Variants in AKAP11 observed in about 807,000 individuals in gnomAD.
The protein encoded by AKAP11 is A-kinase anchor protein 11.
Under a neutral mutation model 146.1 loss-of-function variants are expected in AKAP11, and 36 were observed. The ratio of observed to expected loss-of-function variants is 0.25; its 90% CI spans 0.19 to 0.33. AKAP11 has a LOEUF of 0.33. Ranked by LOEUF, AKAP11 falls within the 10% of genes least tolerant of loss-of-function variation. The pLI is 1.00. For missense variants in AKAP11, 2,201 were observed against 2,197.0 expected (o/e 1.00, Z -0.04); for synonymous variants, 780 against 786.5 (o/e 0.99, Z 0.14).
At chr13:42,288,340 A>C (rs1959181615) in intron 3 of AKAP11, among the ~76,000 whole-genome samples, 1 of 152,196 alleles carries the variant, frequency 6.6e-6, no homozygotes, top group Admixed American at 6.5e-5. Flanking sequence ...CATAATACAC[A>C]CACAAACCCA....
intron 12 of AKAP11, among the ~76,000 whole-genome samples, 193 bp from the exon 13 acceptor site, chr13:42,318,895 A>G (rs1352789675): frequency 6.6e-6 from 1 of 152,190 alleles, no homozygotes; most frequent in African/African-American, 2.4e-5. Context: ...GTGTTTATAA[A>G]GGGGAAGAAG....
At chr13:42,317,852 C>A (rs895733549) in intron 12 of AKAP11, among the ~76,000 whole-genome samples, 164 bp downstream of exon 12, 2 of 152,146 alleles carry the variant, frequency 1.3e-5, no homozygotes, top group Non-Finnish European at 2.9e-5. Context: ...GCAGTATAAC[C>A]AGAGGCAGGT....
rs770998707 is a variant in AKAP11, at chr13:42,303,116, T to C, written c.4370T>C (p.Phe1457Ser). The change falls in exon 8 of 13, where the codon TTT becomes TCT. Residue 1457 changes from phenylalanine to serine, a missense_variant. By Grantham distance (155) the Phe-to-Ser change is radical (BLOSUM62 -2). Coordinates refer to ENST00000025301, the MANE Select transcript of AKAP11 (RefSeq NM_016248.4). ...YRNEVSQLYSFSTSLVHSITK... is the reference protein window; with the variant it reads ...YRNEVSQLYSSSTSLVHSITK... ...AATGAGGTCTCCCAACTGTATAGTT[T>C]TTCAACCTCTCTGGTTCACAGCATA... 2.5e-6 allele frequency: 4 copies of C among 1,614,126 alleles called. No homozygotes were observed. The South Asian group carries it at 4.4e-5, about 18-fold the overall frequency.
At chr13:42,280,429 T>G (rs1401920211) in intron 1 of AKAP11, among the ~76,000 whole-genome samples, 1 of 152,234 alleles carries the variant, frequency 6.6e-6, no homozygotes, top group Non-Finnish European at 1.5e-5. Flanking sequence ...CAAATGTATT[T>G]TCACAAACTC....
intron 1 of AKAP11, among the ~76,000 whole-genome samples, chr13:42,279,927 T>C (rs1322336637): frequency 6.6e-5 from 10 of 152,244 alleles, no homozygotes; most frequent in African/African-American, 2.2e-4. Context: ...GCTGAATTAT[T>C]GTCTCTACTA....
rs114231491 is a variant in AKAP11 at position 42,293,842 on chromosome 13, G to A, written c.168+1341G>A. 9.1e-3 allele frequency among the ~76,000 whole-genome samples: 1,390 copies of A among 152,266 alleles called. 21 individuals are homozygous for A. The highest frequency in any genetic ancestry group is 0.031 in the African/African-American group (1,295 of 41,550). On this transcript the variant is annotated intron_variant, in intron 4 of 12. Transcript: ENST00000025301. ...TAGATGGAATTTCTATTCCATTTTA[G>A]GGTGTGCAAATCTCTGAGTATCTTT...
At chr13:42,273,329 G>A (rs1051441050) in intron 1 of AKAP11, among the ~76,000 whole-genome samples, 2 of 151,610 alleles carry the variant, frequency 1.3e-5, no homozygotes, top group Non-Finnish European at 2.9e-5. Flanking sequence ...GGCATGATTG[G>A]TGTCAGTTAA....
chr13:42,273,711 C>G (rs1478529373), intron 1 of AKAP11, among the ~76,000 whole-genome samples: 2 of 152,150 alleles, frequency 1.3e-5, no homozygotes, highest in East Asian at 3.8e-4. Flanking sequence ...CCTTCTCTAG[C>G]CCCCTGAACT....
rs140822265 is a variant in AKAP11, at chr13:42,322,402, A to G, written c.*3174A>G. On this transcript the variant is annotated 3_prime_UTR_variant, in exon 13 of 13. Coordinates refer to ENST00000025301, the MANE Select transcript of AKAP11 (RefSeq NM_016248.4). ...CAGAGTTTAACCTTGATTCTTCAAC[A>G]GAGTCCAGATTTAAATGTCTACTTA... 2.1e-4 allele frequency: 32 copies of G among 152,418 alleles called. No homozygotes were observed. The East Asian group carries it at 5.6e-3, about 27-fold the overall frequency. The allele number at this position is 152,418 out of a possible 1,614,324, so 9.4% of individuals were successfully genotyped here.
At position 42,302,988 on chromosome 13, in the gene AKAP11, CAAAG is replaced by C; in HGVS notation, c.4244_4247del (p.Lys1415SerfsTer50). 1 of 1,613,562 alleles carries C rather than the reference CAAAG, an allele frequency of 6.2e-7. No individual in the cohort carries two copies. Among genetic ancestry groups the C allele is most frequent in the Non-Finnish European group, 8.5e-7 (1 of 1,179,952 alleles). On this transcript the variant is annotated frameshift_variant, in exon 8 of 13. Transcript: ENST00000025301. LOFTEE classifies it high-confidence loss of function. Reference sequence around the variant, plus strand: ...ACAAGGAACTGTTAATGTTTTCAAACAAAGAGCACCACCAAGAAGCAGACAAAAA... The same window carrying C: ...ACAAGGAACTGTTAATGTTTTCAAACAGCACCACCAAGAAGCAGACAAAAA...
chr13:42,276,764 A>G (rs1262402250), intron 1 of AKAP11, among the ~76,000 whole-genome samples: 1 of 152,134 alleles, frequency 6.6e-6, no homozygotes, highest in Non-Finnish European at 1.5e-5. Flanking sequence ...GCTTCCTATG[A>G]CTGGCCCATC....
At chr13:42,293,248 A>G (rs1316050484) in intron 4 of AKAP11, among the ~76,000 whole-genome samples, 1 of 152,192 alleles carries the variant, frequency 6.6e-6, no homozygotes, top group Non-Finnish European at 1.5e-5. Flanking sequence ...ACATCCTGAT[A>G]GATCCATTTT....
chr13:42,295,778 T>A (rs1472576151), intron 5 of AKAP11, 36 bp downstream of exon 5: 1 of 1,591,628 alleles, frequency 6.3e-7, no homozygotes, highest in Non-Finnish European at 8.6e-7. Context: ...TGAGTATTCT[T>A]GTCATGGAAA....
intron 4 of AKAP11, among the ~76,000 whole-genome samples, chr13:42,293,417 C>T (rs186125754): frequency 1.4e-4 from 21 of 152,226 alleles, no homozygotes; most frequent in African/African-American, 3.9e-4. Flanking sequence ...CTCTATTTGA[C>T]GTCATTTCAT....
intron 11 of AKAP11, among the ~76,000 whole-genome samples, chr13:42,316,925 C>T (rs7319975): frequency 4.5e-4 from 69 of 152,118 alleles, no homozygotes; most frequent in African/African-American, 1.5e-3. Flanking sequence ...GCTCTGTTGC[C>T]CAGGCTGGGT....
rs1284912957 is a variant in AKAP11, at chr13:42,301,737, C to T, written c.2991C>T (p.His997=). 3.1e-6 allele frequency: 5 copies of T among 1,614,168 alleles called. No homozygotes were observed. Among genetic ancestry groups the T allele is most frequent in the South Asian group, 1.1e-5 (1 of 91,082 alleles). The change falls in exon 8 of 13, where the codon CAC becomes CAT. Residue 997 remains histidine, a synonymous_variant. Coordinates refer to ENST00000025301, the MANE Select transcript of AKAP11 (RefSeq NM_016248.4). ...KFPDSQNQLT[H]CSLSAAKDCV... ...CTGACTCTCAGAATCAGTTAACTCA[C>T]TGCTCACTTTCAGCTGCAAAGGATT... is the stretch of plus-strand genomic sequence containing the variant.
chr13:42,319,026 A>G, intron 12 of AKAP11, 62 bp from the exon 13 acceptor site: 1 of 1,519,048 alleles, frequency 6.6e-7, no homozygotes, highest in Non-Finnish European at 8.9e-7. Context: ...ATTGAAAATA[A>G]AAATAAAAGC....
At chr13:42,274,206 G>C (rs1426183910) in intron 1 of AKAP11, among the ~76,000 whole-genome samples, 2 of 152,084 alleles carry the variant, frequency 1.3e-5, no homozygotes, top group Admixed American at 6.5e-5. Flanking sequence ...CAACTACCTG[G>C]AAGGATTGAA....
Position 42,301,237 on chromosome 13 carries a change from G to C in AKAP11, c.2491G>C (p.Ala831Pro), listed in dbSNP as rs1959880808. The C allele has an allele frequency of 6.2e-7, 1 of 1,613,766 alleles. No individual in the cohort carries two copies. Among genetic ancestry groups the C allele is most frequent in the African/African-American group, 1.3e-5 (1 of 74,912 alleles). The change falls in exon 8 of 13, where the codon GCT (alanine) becomes CCT (proline). Residue 831 changes from alanine to proline, a missense_variant. Physicochemically the swap from Ala to Pro is conservative, Grantham distance 27. This residue lies in a region of AKAP11 where 1,867 missense variants were observed against 1,833.5 expected (regional missense o/e 1.02). Transcript: ENST00000025301. ...IATKNREEKAACLRNICLPSE... is the reference protein window; with the variant it reads ...IATKNREEKAPCLRNICLPSE... ...CACAAAAAACAGAGAAGAAAAAGCA[G>C]CTTGTCTCAGAAATATTTGTTTACC...
Sources: gnomAD v4.1 joint callset for allele counts (sites outside exome capture counted in the v4.1 genomes callset) on GRCh38, gnomAD v4.1.1 for gene constraint, gnomAD v4.1.1 regional missense constraint, MANE v1.5 for transcripts, NCBI Gene and HGNC (gene_info 2026-07-23, HGNC 2026-07-21) for gene names.